CDC26: variants seen among roughly 807,000 people sequenced by gnomAD.
The protein encoded by CDC26 is cell division cycle 26.
In CDC26, 2 loss-of-function variants were observed where a neutral mutation model predicts 8.0. The ratio of observed to expected loss-of-function variants is 0.25; its 90% confidence interval spans 0.10 to 0.79. CDC26 has a LOEUF of 0.79. CDC26 is among the 30% of genes least tolerant of loss of function. The probability of loss-of-function intolerance (pLI) is 0.70; values close to 1 mark genes in which losing one functional copy is unlikely to be tolerated. For synonymous variants in CDC26, 19 were observed against 34.9 expected, an observed-to-expected ratio of 0.55 and a Z score of 1.60; for missense variants, 68 against 106.0, an observed-to-expected ratio of 0.64 and a Z score of 1.57.
At chr9:113,270,578 A>T (rs1831937709) in intron 3 of CDC26, among the ~76,000 whole-genome samples, 2 of 152,240 alleles carry the variant, frequency 1.3e-5, no homozygotes, top group Admixed American at 1.3e-4. Context: ...ATGACACATG[A>T]AACTTGGATA....
At chr9:113,272,619 T>G in intron 2 of CDC26, 71 bp from the exon 3 acceptor site, 1 of 759,422 alleles carries the variant, frequency 1.3e-6, no homozygotes, top group Non-Finnish European at 2.3e-6. Context: ...TAAAATCAAT[T>G]TGCAAGCATG....
chr9:113,275,151 C>T (rs1832040388), intron 1 of CDC26, among the ~76,000 whole-genome samples: 2 of 152,192 alleles, frequency 1.3e-5, no homozygotes, highest in Admixed American at 1.3e-4. Flanking sequence ...GCCGAGCCAT[C>T]AAGCTCAGAG....
Position 113,267,484 on chromosome 9 carries a change from T to C in CDC26, c.82-45A>G, listed in dbSNP as rs1178822215. On this transcript the variant is annotated intron_variant, in intron 3 of 3. Transcript: ENST00000374206. ...AGGATTAAGGCAACATTCTTTCAAT[T>C]AGCAAATGTTTATTTAGAACACCTA... The C allele has an allele frequency of 1.9e-6, 3 of 1,568,014 alleles. No homozygotes were observed. The African/African-American group carries it at 4.1e-5, about 21-fold the overall frequency.
chr9:113,272,566 G>C lies in CDC26; in HGVS notation c.-41-18C>G. 7.7e-7 allele frequency: 1 copy of C among 1,298,136 alleles called. No individual in the cohort carries two copies. 80.4% of individuals were successfully genotyped at this position (1,298,136 alleles called of 1,614,324 possible). On this transcript the variant is annotated intron_variant, in intron 2 of 3. Coordinates refer to ENST00000374206, the MANE Select transcript of CDC26 (RefSeq NM_139286.4). ...ACTATTAGCTGTTAAAAATGAAAGAGAGGAGGAAAATCTGAAGGTGATAAA... is the reference window on the plus strand; with the variant it reads ...ACTATTAGCTGTTAAAAATGAAAGACAGGAGGAAAATCTGAAGGTGATAAA...
intron 1 of CDC26, among the ~76,000 whole-genome samples, chr9:113,274,663 C>T (rs539303648): frequency 5.3e-4 from 80 of 152,222 alleles, no homozygotes; most frequent in Non-Finnish European, 1.0e-3. Context: ...AATCCCACTA[C>T]ACCACCGATC....
chr9:113,273,323 A>G lies in CDC26; in HGVS notation c.-42+6T>C, dbSNP rs1831989067. The G allele has an allele frequency of 6.6e-6, 1 of 152,232 alleles. No homozygotes were observed. The highest frequency in any genetic ancestry group is 2.4e-5 in the African/African-American group (1 of 41,464). The allele number at this position is 152,232 out of a possible 1,614,324, so 9.4% of individuals were successfully genotyped here. Reference sequence around the variant, plus strand: ...TTTGCTAAATCTCAGGAAAACTCCAACTCACCAATTCACAGGATTATCCTC... The same window carrying G: ...TTTGCTAAATCTCAGGAAAACTCCAGCTCACCAATTCACAGGATTATCCTC... On this transcript the variant is annotated splice_donor_region_variant and intron_variant, in intron 2 of 3. Transcript: ENST00000374206.
chr9:113,272,691 CT>C (rs367685408), intron 2 of CDC26, 143 bp from the exon 3 acceptor site: 79,381 of 348,892 alleles, frequency 0.23, 6 homozygotes, highest in South Asian at 0.34. Flanking sequence ...CTTCTAAAGT[CT>C]TTTTTTTTTT....
chr9:113,268,216 T>A (rs533910310), intron 3 of CDC26, among the ~76,000 whole-genome samples: 2 of 152,298 alleles, frequency 1.3e-5, no homozygotes, highest in African/African-American at 4.8e-5. Context: ...AACAAATTTA[T>A]TATTCTAGAG....
intron 1 of CDC26, among the ~76,000 whole-genome samples, chr9:113,274,465 A>G (rs1832021846): frequency 1.3e-5 from 2 of 152,228 alleles, no homozygotes; most frequent in African/African-American, 4.8e-5. Context: ...CCAGATTCCA[A>G]TGCAGACAAA....
chr9:113,275,255 T>C (rs1832044181), intron 1 of CDC26, 127 bp downstream of exon 1: 1 of 153,798 alleles, frequency 6.5e-6, no homozygotes, highest in East Asian at 1.9e-4. Context: ...AGGGTTTCTA[T>C]GGTAACATGG....
At chr9:113,274,477 G>A (rs892667385) in intron 1 of CDC26, among the ~76,000 whole-genome samples, 2 of 152,100 alleles carry the variant, frequency 1.3e-5, no homozygotes, top group African/African-American at 4.8e-5. Flanking sequence ...GCAGACAAAT[G>A]GTAGAGAAAG....
chr9:113,273,882 G>C (rs1195627345), intron 1 of CDC26, among the ~76,000 whole-genome samples: 1 of 147,930 alleles, frequency 6.8e-6, no homozygotes, highest in African/African-American at 2.5e-5. Flanking sequence ...GAAATCCCAA[G>C]GTAATACTAT....
intron 3 of CDC26, among the ~76,000 whole-genome samples, chr9:113,269,860 G>T (rs1831926850): frequency 6.6e-6 from 1 of 152,202 alleles, no homozygotes. Context: ...TAATAAAGCT[G>T]TTGGTGAATA....
At chr9:113,274,079 C>T (rs1009978474) in intron 1 of CDC26, among the ~76,000 whole-genome samples, 2 of 152,140 alleles carry the variant, frequency 1.3e-5, no homozygotes, top group African/African-American at 4.8e-5. Context: ...TGCTGTTTTT[C>T]CATTCCCATT....
intron 2 of CDC26, 38 bp from the exon 3 acceptor site, chr9:113,272,586 G>C: frequency 1.0e-6 from 1 of 998,430 alleles, no homozygotes. Context: ...ATCTGAAGGT[G>C]ATAAAGTCTC....
chr9:113,274,913 A>G lies in CDC26; in HGVS notation c.-152+469T>C, dbSNP rs74380630. Among the ~76,000 whole-genome samples the G allele has an allele frequency of 8.6e-3, 1,306 of 152,320 alleles. 21 individuals are homozygous for G. The highest frequency in any genetic ancestry group is 0.029 in the African/African-American group (1,225 of 41,552). ...GATCTCCCACCGCCCATGTGGGGAT[A>G]AAAACCTTATCCTGTTCGTCTCTAA... On this transcript the variant is annotated intron_variant, in intron 1 of 3. Transcript: ENST00000374206.
Position 113,267,111 on chromosome 9 carries a change from C to T in CDC26, c.*152G>A, listed in dbSNP as rs1361497451. On this transcript the variant is annotated 3_prime_UTR_variant, in exon 4 of 4. Coordinates refer to ENST00000374206, the MANE Select transcript of CDC26 (RefSeq NM_139286.4). ...AGAGTTTGGATTCCAGCTTAGAGTG[C>T]AAGTGAAGCATCAGTAATCTCATGC... is the stretch of plus-strand genomic sequence containing the variant. 5.9e-6 allele frequency: 3 copies of T among 507,406 alleles called. No individual in the cohort carries two copies. Among genetic ancestry groups the T allele is most frequent in the Non-Finnish European group, 1.0e-5 (3 of 290,966 alleles). The allele number at this position is 507,406 out of a possible 1,614,324, so 31.4% of individuals were successfully genotyped here. A position where few individuals can be genotyped will look rare whatever the true frequency, so the allele number is the denominator to read the frequency against.
chr9:113,267,171 T>G lies in CDC26; in HGVS notation c.*92A>C. 5.5e-6 allele frequency: 4 copies of G among 730,746 alleles called. No homozygotes were observed. Among genetic ancestry groups the G allele is most frequent in the Non-Finnish European group, 6.5e-6 (3 of 463,780 alleles). The allele number at this position is 730,746 out of a possible 1,614,324, so 45.3% of individuals were successfully genotyped here. A position where few individuals can be genotyped will look rare whatever the true frequency, so the allele number is the denominator to read the frequency against. On this transcript the variant is annotated 3_prime_UTR_variant, in exon 4 of 4. Coordinates refer to ENST00000374206, the MANE Select transcript of CDC26 (RefSeq NM_139286.4). ...GTCTCTGCAGGAGGTACATTCTGCT[T>G]GACTGCAAGCACTCAATTCTCTAAA...
At chr9:113,272,037 C>G (rs1453179228) in intron 3 of CDC26, among the ~76,000 whole-genome samples, 1 of 152,170 alleles carries the variant, frequency 6.6e-6, no homozygotes, top group African/African-American at 2.4e-5. Flanking sequence ...TGGTCTCAAA[C>G]TCCTGGCCAG....
Sources: allele counts gnomAD v4.1 joint callset (sites outside exome capture counted in the v4.1 genomes callset), GRCh38; gene constraint gnomAD v4.1.1; transcripts MANE v1.5; gene names NCBI Gene and HGNC (gene_info 2026-07-23, HGNC 2026-07-21).